IL23R: variants seen among roughly 807,000 people sequenced by gnomAD.
IL23R encodes interleukin 23 receptor.
IL23R carries 34 observed loss-of-function variants against 56.9 expected under a neutral mutation model. The observed-to-expected ratio is 0.60, with a 90% confidence interval of 0.45 to 0.80. The LOEUF is 0.80. Ranked by LOEUF, IL23R falls within the 30% of genes least tolerant of loss-of-function variation. IL23R has a pLI of 0.00. For synonymous variants in IL23R, 230 were observed against 249.2 expected (o/e 0.92, Z 0.73); for missense variants, 635 against 730.0 (o/e 0.87, Z 1.50).
At chr1:67,264,392 A>T (rs1225812302), downstream of IL23R, among the ~76,000 whole-genome samples, 1 of 152,230 alleles carries the variant, frequency 6.6e-6, no homozygotes, top group Non-Finnish European at 1.5e-5. Context: ...TTATCTCTTT[A>T]TGAAGCAATT....
intron 3 of IL23R, among the ~76,000 whole-genome samples, chr1:67,172,253 A>C (rs1458320430): frequency 6.6e-6 from 1 of 152,186 alleles, no homozygotes; most frequent in Non-Finnish European, 1.5e-5. Context: ...TGATCACAGG[A>C]TATTTGTCAT....
chr1:67,236,096 C>G (rs991525449), intron 7 of IL23R, among the ~76,000 whole-genome samples: 1 of 152,200 alleles, frequency 6.6e-6, no homozygotes, highest in Non-Finnish European at 1.5e-5. Context: ...GCTCACCCCA[C>G]CCTGGTCAGA....
intron 1 of IL23R, among the ~76,000 whole-genome samples, chr1:67,154,933 T>A (rs1646758920): frequency 6.6e-6 from 1 of 152,196 alleles, no homozygotes; most frequent in Non-Finnish European, 1.5e-5. Flanking sequence ...GTACTGGTTT[T>A]TTTCTTTCCA....
chr1:67,189,694 C>A lies in IL23R; in HGVS notation c.491+6735C>A, dbSNP rs542505624. On this transcript the variant is annotated intron_variant, in intron 4 of 10. Coordinates refer to ENST00000347310, the MANE Select transcript of IL23R (RefSeq NM_144701.3). ...GCGCAGTGGCTCATGCCTGTAATCC[C>A]AGCACTTTGGGAGGCTGAGGCAGGT... Among the ~76,000 whole-genome samples the A allele has an allele frequency of 1.1e-3, 163 of 152,252 alleles. 1 individual carries two copies. Among genetic ancestry groups the A allele is most frequent in the Admixed American group, 2.5e-3 (38 of 15,284 alleles).
intron 1 of IL23R, among the ~76,000 whole-genome samples, chr1:67,159,567 G>A (rs934763463): frequency 1.3e-5 from 2 of 152,096 alleles, no homozygotes; most frequent in Admixed American, 6.6e-5. Context: ...ACTAATACAA[G>A]TATATAAGTC....
intron 9 of IL23R, among the ~76,000 whole-genome samples, chr1:67,250,098 T>C (rs1652511471): frequency 6.6e-6 from 1 of 152,180 alleles, no homozygotes; most frequent in Non-Finnish European, 1.5e-5. Context: ...TAGACAAAAA[T>C]TTACATTCCT....
intron 6 of IL23R, among the ~76,000 whole-genome samples, chr1:67,216,796 G>A (rs1425025764): frequency 1.3e-5 from 2 of 152,166 alleles, no homozygotes; most frequent in Non-Finnish European, 1.5e-5. Context: ...CATACAGATA[G>A]CAAAGACAAA....
intron 7 of IL23R, among the ~76,000 whole-genome samples, chr1:67,228,417 T>C (rs1209308531): frequency 1.5e-5 from 2 of 135,016 alleles, no homozygotes; most frequent in African/African-American, 2.6e-5. Context: ...AAGTTGGTCT[T>C]GAACTCCTGG....
intron 2 of IL23R, among the ~76,000 whole-genome samples, chr1:67,168,609 A>T (rs1174594554): frequency 1.3e-5 from 2 of 152,222 alleles, no homozygotes; most frequent in Admixed American, 6.5e-5. Flanking sequence ...GATTTTATTC[A>T]TTATATTCAA....
intron 1 of IL23R, among the ~76,000 whole-genome samples, chr1:67,155,785 C>G (rs1270362364): frequency 6.6e-6 from 1 of 152,216 alleles, no homozygotes; most frequent in Non-Finnish European, 1.5e-5. Flanking sequence ...CTAAAGCCTA[C>G]TTCTGTCAAT....
chr1:67,205,946 T>A lies in IL23R; in HGVS notation c.653-964T>A, dbSNP rs184056584. Among the ~76,000 whole-genome samples the A allele has an allele frequency of 3.4e-3, 510 of 150,804 alleles. 1 individual carries two copies. The highest frequency in any genetic ancestry group is 0.012 in the African/African-American group (481 of 40,880). On this transcript the variant is annotated intron_variant, in intron 5 of 10. Coordinates refer to ENST00000347310, the MANE Select transcript of IL23R (RefSeq NM_144701.3). ...TTCTTTTTCTTTCTTTCTTTCTCTT[T>A]TTTTTTCTTTCTTTCTTTCTTGCTC... is the stretch of plus-strand genomic sequence containing the variant.
chr1:67,139,846 G>A (rs559455748), intron 1 of IL23R, among the ~76,000 whole-genome samples: 1 of 152,246 alleles, frequency 6.6e-6, no homozygotes, highest in East Asian at 1.9e-4. Context: ...CAGCTTGGTG[G>A]GGCCTTTAAA....
In IL23R at chr1:67,160,942, A is replaced by C. The variant is rs959800812; in HGVS notation, c.-633-7150A>C. On this transcript the variant is annotated intron_variant, in intron 1 of 10. Coordinates refer to the IL23R transcript ENST00000637002. ...AGATTTTTTCTTATTGATTGGCAAG[A>C]GTGAATCAATAAAACCTTATTTACC... Among the ~76,000 whole-genome samples, 6 of 152,222 alleles carry C rather than the reference A, an allele frequency of 3.9e-5. No individual in the cohort carries two copies. In the East Asian group the frequency reaches 1.2e-3, roughly 29 times the overall value.
At chr1:67,215,135 C>T (rs773719011) in intron 6 of IL23R, among the ~76,000 whole-genome samples, 7 of 152,204 alleles carry the variant, frequency 4.6e-5, no homozygotes, top group South Asian at 2.1e-4. Context: ...GATTTTAAGG[C>T]GGTAGATTGC....
chr1:67,215,124 G>A (rs1172515590), intron 6 of IL23R, among the ~76,000 whole-genome samples: 1 of 152,122 alleles, frequency 6.6e-6, no homozygotes, highest in East Asian at 1.9e-4. Context: ...CGGGGAGCTC[G>A]GATTTTAAGG....
chr1:67,167,684 G>A lies in IL23R; in HGVS notation c.-29-408G>A, dbSNP rs937240214. Among the ~76,000 whole-genome samples the A allele has an allele frequency of 3.3e-5, 5 of 152,052 alleles. No individual in the cohort carries two copies. The East Asian group carries it at 7.7e-4, about 23-fold the overall frequency. ...GGTTACAGTGAGCTATGATAATGCC[G>A]CTGCACTCCAGCCTGGGCTACAGAG... On this transcript the variant is annotated intron_variant, in intron 1 of 10. Transcript: ENST00000347310.
chr1:67,177,130 C>G (rs1267716596), intron 3 of IL23R, among the ~76,000 whole-genome samples: 2 of 152,170 alleles, frequency 1.3e-5, no homozygotes, highest in African/African-American at 4.8e-5. Context: ...TGGGTATATA[C>G]TCAGTAGTGG....
At chr1:67,184,577 TA>T (rs376295271) in intron 4 of IL23R, among the ~76,000 whole-genome samples, 3 of 9,458 alleles carry the variant, frequency 3.2e-4, no homozygotes, top group South Asian at 0.013. Context: ...ATAAATAAAA[TA>T]AAATAAAATA....
At chr1:67,228,640 A>G (rs1284047367) in intron 7 of IL23R, among the ~76,000 whole-genome samples, 2 of 152,118 alleles carry the variant, frequency 1.3e-5, no homozygotes, top group Non-Finnish European at 2.9e-5. Context: ...CAAAATCACA[A>G]CCACTGGGCT....
Sources: gnomAD v4.1 joint callset for allele counts (sites outside exome capture counted in the v4.1 genomes callset) on GRCh38, gnomAD v4.1.1 for gene constraint, MANE v1.5 for transcripts, NCBI Gene and HGNC (gene_info 2026-07-23, HGNC 2026-07-21) for gene names.